Variants in METTL3 observed in about 807,000 individuals in gnomAD.
The protein encoded by METTL3 is methyltransferase 3, N6-adenosine-methyltransferase complex catalytic subunit, also known as N(6)-adenosine-methyltransferase catalytic subunit METTL3.
In METTL3, 42 loss-of-function variants were observed where a neutral mutation model predicts 64.3. That is an observed-to-expected ratio of 0.65 (90% CI 0.51 to 0.84). The LOEUF (loss-of-function observed/expected upper bound fraction) is 0.84, where lower values mean the gene tolerates loss of function less well. METTL3 is among the 40% of genes least tolerant of loss of function. The pLI, the probability that METTL3 is intolerant of heterozygous loss-of-function variation, is 0.00. For missense variants in METTL3, 435 were observed against 722.3 expected (o/e 0.60, Z 4.56); for synonymous variants, 256 against 263.6 (o/e 0.97, Z 0.28).
At chr14:21,501,656 C>G in intron 4 of METTL3, 72 bp downstream of exon 4, 1 of 1,590,488 alleles carries the variant, frequency 6.3e-7, no homozygotes. Context: ...ACCCCAATGA[C>G]TGGAAGGAAT....
rs767931381 is a variant in METTL3 at position 21,500,962 on chromosome 14, G to T, written c.1067C>A (p.Thr356Lys). Residue 356 changes from threonine (T) to lysine (K), a missense_variant, in exon 5 of 11, where the codon ACA becomes AAA. Around this residue, in one of 9 missense-constraint regions of METTL3, gnomAD observed 67 missense variants for 71.5 expected, o/e 0.94. Coordinates refer to ENST00000298717, the MANE Select transcript of METTL3 (RefSeq NM_019852.5). ...DHTPSQELAL[T>K]QSVGGDSSAD... is the part of the protein sequence containing the mutation. ...ACTGGAATCACCTCCGACACTCTGT[G>T]TAAGAGCAAGCTCCTGGCTTGGCGT... The T allele has an allele frequency of 1.2e-6, 2 of 1,614,038 alleles. No individual in the cohort carries two copies. Among genetic ancestry groups the T allele is most frequent in the Non-Finnish European group, 1.7e-6 (2 of 1,180,040 alleles).
Position 21,503,406 on chromosome 14 carries a change from T to C in METTL3, c.490A>G (p.Lys164Glu), listed in dbSNP as rs1346506679. 1.2e-6 allele frequency: 2 copies of C among 1,613,990 alleles called. No individual in the cohort carries two copies. The highest frequency in any genetic ancestry group is 8.5e-7 in the Non-Finnish European group (1 of 1,179,992). ...SAMMGAVAEK[K>E]GPGEVAGTVT... ...GTCCCTGCTACCTCCCCAGGGCCCTTCTTTTCTGCCACAGCACCCATCATG... is the reference window on the plus strand; with the variant it reads ...GTCCCTGCTACCTCCCCAGGGCCCTCCTTTTCTGCCACAGCACCCATCATG... The change falls in exon 3 of 11, where the codon AAG (lysine) becomes GAG (glutamate). Residue 164 changes from lysine (K) to glutamate (E), a missense_variant. Physicochemically the swap from Lys to Glu is moderately conservative, Grantham distance 56 (BLOSUM62 1). This residue lies in a region of METTL3 where 228 missense variants were observed against 279.6 expected (regional missense o/e 0.82). Transcript: ENST00000298717.
In METTL3 at chr14:21,499,219, AG is replaced by A. The variant is rs1891492724; in HGVS notation, c.1519-83del. ...TTCTATTATGTTTATGATCTAAATG[AG>A]AAAAATCTGGGATGAGAATACACCC... On this transcript the variant is annotated intron_variant, in intron 9 of 10. Coordinates refer to ENST00000298717, the MANE Select transcript of METTL3 (RefSeq NM_019852.5). 5.7e-6 allele frequency: 9 copies of A among 1,589,286 alleles called. No individual in the cohort carries two copies. The South Asian group carries it at 9.9e-5, about 18-fold the overall frequency.
rs751656594 is a variant in METTL3 at position 21,499,306 on chromosome 14, C to G, written c.1518G>C (p.Glu506Asp). 6 of 1,614,172 alleles carry G rather than the reference C, an allele frequency of 3.7e-6. No homozygotes were observed. The highest frequency in any genetic ancestry group is 4.2e-6 in the Non-Finnish European group (5 of 1,180,034). ...CTTTGGAGGCCTGGGAAGCACATACCTCAGCTACGATCACATCACAATCCA... is the reference window on the plus strand; with the variant it reads ...CTTTGGAGGCCTGGGAAGCACATACGTCAGCTACGATCACATCACAATCCA... Reference protein sequence around the residue: ...QGLDCDVIVAEVRSTSHKPDE... With the variant: ...QGLDCDVIVADVRSTSHKPDE... The change falls in exon 9 of 11, where the codon GAG becomes GAC. Residue 506 changes from glutamate (E) to aspartate (D), a missense_variant and splice_region_variant. Glu to Asp is a conservative substitution (Grantham distance 45). This residue lies in a region of METTL3 where 38 missense variants were observed against 102.3 expected (regional missense o/e 0.37). Transcript: ENST00000298717.
At position 21,500,434 on chromosome 14, in the gene METTL3, C is replaced by T; in HGVS notation, c.1304+61G>A. 3.3e-6 allele frequency: 5 copies of T among 1,534,772 alleles called. No individual in the cohort carries two copies. The South Asian group carries it at 5.6e-5, about 17-fold the overall frequency. On this transcript the variant is annotated intron_variant, in intron 6 of 10. Transcript: ENST00000298717. ...GCTAGGAAAACCCAGGATTTTATCT[C>T]CCATTCAGTATTCACTCTTGTACTG...
chr14:21,499,725 G>T, intron 7 of METTL3, 39 bp downstream of exon 7: 1 of 1,600,880 alleles, frequency 6.2e-7, no homozygotes, highest in Non-Finnish European at 8.6e-7. Context: ...CACTGTAACA[G>T]TATTACCCTC....
intron 6 of METTL3, 46 bp downstream of exon 6, chr14:21,500,449 C>G: frequency 6.3e-7 from 1 of 1,584,366 alleles, no homozygotes. Flanking sequence ...TCAGTATTCA[C>G]TCTTGTACTG....
chr14:21,502,991 C>T (rs990463577), intron 3 of METTL3, 182 bp downstream of exon 3: 13 of 670,012 alleles, frequency 1.9e-5, no homozygotes, highest in African/African-American at 3.7e-5. Context: ...AATAGCACTC[C>T]CCCATGTGTG....
Position 21,500,909 on chromosome 14 carries a change from G to T in METTL3, c.1116+4C>A. 1 of 1,612,222 alleles carries T rather than the reference G, an allele frequency of 6.2e-7. No individual in the cohort carries two copies. The highest frequency in any genetic ancestry group is 8.5e-7 in the Non-Finnish European group (1 of 1,178,594). ...TGAGACGAGTTTTCTGAGCAGACAG[G>T]TACCTGAGGTGGGAAGAGTCGGTCT... On this transcript the variant is annotated splice_donor_region_variant and intron_variant, in intron 5 of 10. Transcript: ENST00000298717.
chr14:21,498,525 A>T (rs953080375), intron 10 of METTL3, 156 bp from the exon 11 acceptor site: 24 of 680,158 alleles, frequency 3.5e-5, no homozygotes, highest in Non-Finnish European at 5.1e-5. Context: ...TGGTAGAATT[A>T]CTAGTTCAGA....
chr14:21,511,278 C>T lies in METTL3; in HGVS notation c.-55G>A, dbSNP rs1891832669. The T allele has an allele frequency of 6.3e-6, 10 of 1,576,112 alleles. No individual in the cohort carries two copies. Among genetic ancestry groups the T allele is most frequent in the Non-Finnish European group, 8.6e-6 (10 of 1,161,420 alleles). On this transcript the variant is annotated 5_prime_UTR_variant, in exon 1 of 11. Transcript: ENST00000298717. ...ATAAGGCGCGGCGGACTAGCACCTC[C>T]CAGCACTCGCTCCAGGATATAGCCA...
At chr14:21,502,110 C>T (rs1405085195) in intron 3 of METTL3, among the ~76,000 whole-genome samples, 1 of 151,024 alleles carries the variant, frequency 6.6e-6, no homozygotes, top group Admixed American at 6.7e-5. Flanking sequence ...CCACTGAACT[C>T]CCAGGCTCAA....
chr14:21,506,885 G>A (rs1359138805), intron 1 of METTL3, among the ~76,000 whole-genome samples: 1 of 152,038 alleles, frequency 6.6e-6, no homozygotes, highest in Non-Finnish European at 1.5e-5. Context: ...CTAAAAATTA[G>A]CCAGGCAAGG....
At chr14:21,510,302 A>T (rs1891801161) in intron 1 of METTL3, among the ~76,000 whole-genome samples, 1 of 152,230 alleles carries the variant, frequency 6.6e-6, no homozygotes, top group Non-Finnish European at 1.5e-5. Flanking sequence ...GGGCCAGAAT[A>T]CGAGCACATG....
At chr14:21,504,003 G>T in intron 1 of METTL3, 122 bp from the exon 2 acceptor site, 1 of 865,298 alleles carries the variant, frequency 1.2e-6, no homozygotes, top group Non-Finnish European at 1.8e-6. Context: ...GAAATTCTGT[G>T]ACCAACTTTA....
At chr14:21,502,012 C>CTTTTTT (rs75402343) in intron 3 of METTL3, 109 bp from the exon 4 acceptor site, 40 of 458,314 alleles carry the variant, frequency 8.7e-5, no homozygotes, top group Admixed American at 1.9e-4. Flanking sequence ...GATAAATCAA[C>CTTTTTT]TTTTTTTTTT....
chr14:21,504,102 A>T, intron 1 of METTL3: 1 of 538,166 alleles, frequency 1.9e-6, no homozygotes, highest in East Asian at 3.2e-5. Flanking sequence ...TTCTCTATTG[A>T]GTGAGTAATC....
chr14:21,504,074 G>C, intron 1 of METTL3, 193 bp from the exon 2 acceptor site: 1 of 575,124 alleles, frequency 1.7e-6, no homozygotes, highest in Non-Finnish European at 3.1e-6. Flanking sequence ...AGATAATACT[G>C]GATTTTCTAT....
chr14:21,507,688 A>C (rs1891732506), intron 1 of METTL3: 1 of 152,142 alleles, frequency 6.6e-6, no homozygotes, highest in African/African-American at 2.4e-5. Context: ...AAACGAATGG[A>C]ATAATCTGAA....
Sources: allele counts gnomAD v4.1 joint callset (sites outside exome capture counted in the v4.1 genomes callset), GRCh38; gene constraint gnomAD v4.1.1; regional missense constraint gnomAD v4.1.1; transcripts MANE v1.5; gene names NCBI Gene and HGNC (gene_info 2026-07-23, HGNC 2026-07-21).